LMF1: variants seen among roughly 807,000 people sequenced by gnomAD.
LMF1 encodes the protein lipase maturation factor 1.
A neutral mutation model predicts 60.6 loss-of-function variants in LMF1; 68 were observed. That is an observed-to-expected ratio of 1.12 (90% CI 0.92 to 1.37). The LOEUF is 1.37. LMF1 is among the 40% of genes most tolerant of loss of function. The pLI is 0.00. For missense variants in LMF1, 948 were observed against 767.2 expected (o/e 1.24, Z -2.78); for synonymous variants, 418 against 324.7 (o/e 1.29, Z -3.09).
chr16:967,743 G>T (rs1567336894), intron 1 of LMF1, among the ~76,000 whole-genome samples: 1 of 152,234 alleles, frequency 6.6e-6, no homozygotes, highest in African/African-American at 2.4e-5. Flanking sequence ...CGGGTGTCCA[G>T]GATACGCAGG....
At chr16:910,732 C>T (rs538419944) in intron 4 of LMF1, among the ~76,000 whole-genome samples, 199 bp downstream of exon 4, 2 of 152,190 alleles carry the variant, frequency 1.3e-5, no homozygotes, top group East Asian at 1.9e-4. Flanking sequence ...TGAGCATGCC[C>T]GGGAAAAGCC....
At chr16:887,466 G>A (rs1285815978) in intron 5 of LMF1, among the ~76,000 whole-genome samples, 10 of 152,222 alleles carry the variant, frequency 6.6e-5, no homozygotes, top group South Asian at 2.1e-4. Context: ...CTCGGTACCC[G>A]TGGGGGAGCT....
At chr16:914,796 A>T (rs1015625023) in intron 3 of LMF1, among the ~76,000 whole-genome samples, 1 of 148,214 alleles carries the variant, frequency 6.7e-6, no homozygotes, top group African/African-American at 2.5e-5. Flanking sequence ...CACTGGTGAC[A>T]CACTCCCTCC....
intron 5 of LMF1, among the ~76,000 whole-genome samples, chr16:891,214 G>T (rs1363815198): frequency 6.6e-6 from 1 of 152,214 alleles, no homozygotes; most frequent in African/African-American, 2.4e-5. Context: ...CCTCGCCGGA[G>T]TGCAGCTGTG....
chr16:939,124 C>G (rs904367746), intron 2 of LMF1, among the ~76,000 whole-genome samples: 2 of 152,162 alleles, frequency 1.3e-5, no homozygotes, highest in Non-Finnish European at 2.9e-5. Context: ...AGAGAAACAA[C>G]AAGAGCAAAA....
chr16:947,412 G>A (rs1436523466), intron 2 of LMF1: 1 of 449,610 alleles, frequency 2.2e-6, no homozygotes, highest in East Asian at 7.0e-5. Flanking sequence ...TGAAGTCCTG[G>A]AGCCCAAACA....
intron 1 of LMF1, among the ~76,000 whole-genome samples, chr16:967,318 C>T (rs893867180): frequency 2.6e-4 from 40 of 152,358 alleles, no homozygotes; most frequent in African/African-American, 8.4e-4. Context: ...CAGGGAACGC[C>T]GGGCCACAAC....
intron 3 of LMF1, chr16:934,038 C>T (rs893582847): frequency 1.3e-6 from 2 of 1,508,332 alleles, no homozygotes; most frequent in Non-Finnish European, 1.8e-6. Flanking sequence ...CTCTAGGTGC[C>T]CGGGGCCTGG....
At chr16:870,138 G>A in intron 8 of LMF1, 72 bp from the exon 9 acceptor site, 7 of 1,503,040 alleles carry the variant, frequency 4.7e-6, no homozygotes, top group Non-Finnish European at 6.3e-6. Flanking sequence ...ATGGGTGGGG[G>A]GGGTTCCCCG....
intron 5 of LMF1, among the ~76,000 whole-genome samples, chr16:886,533 G>T (rs12918075): frequency 6.1e-3 from 206 of 33,966 alleles, no homozygotes; most frequent in Middle Eastern, 0.033. Flanking sequence ...CCTCCCACCC[G>T]AGACCCCCGA....
At position 911,051 on chromosome 16, in the gene LMF1, C is replaced by T. The variant is rs2277893; in HGVS notation, c.543G>A (p.Gly181=). The T allele has an allele frequency of 0.21, 345,458 of 1,611,206 alleles. 45,350 individuals carry two copies. The highest frequency in any genetic ancestry group is 0.51 in the African/African-American group (38,445 of 74,812). Residue 181 remains glycine, a synonymous_variant, in exon 4 of 11, where the codon GGG becomes GGA. Transcript: ENST00000262301. ...GAGGGCACAGGAAGATCCCCAGGAA[C>T]CCCGTCTCCAGAAGCTGGGACTCCC... ...FGWESQLLET[G]FLGIFLCPLW... is the part of the protein sequence containing the mutation.
At position 893,253 on chromosome 16, in the gene LMF1, G is replaced by T. The variant is rs532147366; in HGVS notation, c.664-181C>A. On this transcript the variant is annotated intron_variant, in intron 4 of 10. Coordinates refer to ENST00000262301, the MANE Select transcript of LMF1 (RefSeq NM_022773.4). The stretch of plus-strand genomic sequence containing the variant: ...AGGAAGGCAGAATTTGAGAAGGGCA[G>T]ATTCAGGGCTGCTTTGAGGACAGGA... 6.1e-5 allele frequency: 42 copies of T among 686,994 alleles called. No homozygotes were observed. In the African/African-American group the frequency reaches 7.2e-4, roughly 12 times the overall value. 42.6% of individuals were successfully genotyped at this position (686,994 alleles called of 1,614,324 possible).
intron 6 of LMF1, among the ~76,000 whole-genome samples, chr16:876,776 C>T (rs1567167568): frequency 6.6e-6 from 1 of 151,932 alleles, no homozygotes; most frequent in Non-Finnish European, 1.5e-5. Context: ...GCTGCCCAAA[C>T]TGAGACCTTC....
intron 10 of LMF1, among the ~76,000 whole-genome samples, chr16:860,832 T>C (rs1489343385): frequency 1.3e-5 from 2 of 152,210 alleles, no homozygotes; most frequent in East Asian, 1.9e-4. Context: ...TCCATGGAAT[T>C]GCATGTCTGT....
chr16:965,448 C>CA (rs545464676), intron 1 of LMF1, among the ~76,000 whole-genome samples: 127 of 152,324 alleles, frequency 8.3e-4, no homozygotes, highest in African/African-American at 2.8e-3. Context: ...AAAAGAGCCT[C>CA]AGAGACTCCT....
chr16:943,141 G>A (rs2151451409), intron 2 of LMF1, among the ~76,000 whole-genome samples: 1 of 152,194 alleles, frequency 6.6e-6, no homozygotes, highest in South Asian at 2.1e-4. Flanking sequence ...GGAGGCCGAG[G>A]CGGGTGGATC....
intron 6 of LMF1, among the ~76,000 whole-genome samples, chr16:875,418 C>T (rs1025503741): frequency 9.9e-5 from 15 of 152,166 alleles, no homozygotes; most frequent in East Asian, 1.9e-4. Context: ...TAAACAAGGA[C>T]GTTTTTGAGG....
chr16:907,877 C>T (rs1053478158), intron 4 of LMF1, among the ~76,000 whole-genome samples: 3 of 152,188 alleles, frequency 2.0e-5, no homozygotes, highest in Admixed American at 2.0e-4. Context: ...CTCCAGCTGG[C>T]ACTAGCAATC....
intron 3 of LMF1, among the ~76,000 whole-genome samples, chr16:929,974 G>C (rs932779506): frequency 2.6e-5 from 4 of 151,496 alleles, no homozygotes; most frequent in African/African-American, 9.7e-5. Context: ...GTCTGAACGG[G>C]GGCGCAGGAC....
Sources: allele counts gnomAD v4.1 joint callset (sites outside exome capture counted in the v4.1 genomes callset), GRCh38; gene constraint gnomAD v4.1.1; transcripts MANE v1.5; gene names NCBI Gene and HGNC (gene_info 2026-07-23, HGNC 2026-07-21).